The following DHX32 variants were observed in gnomAD, a reference collection of about 807,000 sequenced individuals.
DHX32 encodes the protein putative pre-mRNA-splicing factor ATP-dependent RNA helicase DHX32.
In DHX32, 51 loss-of-function variants were observed where a neutral mutation model predicts 70.0. The ratio of observed to expected loss-of-function variants is 0.73; its 90% CI spans 0.58 to 0.92. The LOEUF is 0.92. DHX32 is among the 40% of genes least tolerant of loss of function. DHX32 has a pLI of 0.00. For synonymous variants in DHX32, 310 were observed against 315.3 expected (o/e 0.98, Z 0.18); for missense variants, 762 against 891.8 (o/e 0.85, Z 1.85).
chr10:125,842,377 C>T (rs1854905695), intron 6 of DHX32: 1 of 154,738 alleles, frequency 6.5e-6, no homozygotes, highest in African/African-American at 2.4e-5. Context: ...GGAACCACCT[C>T]AGGCCAGAGA....
At chr10:125,872,214 T>A (rs1944260235) in intron 1 of DHX32, among the ~76,000 whole-genome samples, 1 of 152,206 alleles carries the variant, frequency 6.6e-6, no homozygotes, top group Non-Finnish European at 1.5e-5. Flanking sequence ...GTTGCATCTT[T>A]GTCTTCTCAC....
intron 3 of DHX32, among the ~76,000 whole-genome samples, chr10:125,856,590 C>T (rs1040146638): frequency 6.6e-6 from 1 of 152,192 alleles, no homozygotes; most frequent in African/African-American, 2.4e-5. Context: ...AAGGCAAATG[C>T]ACTGCCGTTT....
chr10:125,841,223 A>C lies in DHX32; in HGVS notation c.1544-227T>G, dbSNP rs779377822. 1.6e-5 allele frequency: 25 copies of C among 1,598,738 alleles called. 1 individual carries two copies. The highest frequency in any genetic ancestry group is 2.7e-5 in the African/African-American group (2 of 74,696). On this transcript the variant is annotated intron_variant, in intron 7 of 10. Coordinates refer to ENST00000284690, the MANE Select transcript of DHX32 (RefSeq NM_018180.3). ...TGTTTGCTTTTCTAAGGTCAACTGAATATGGTTAATATCCTGCTTCTATTC... is the reference window on the plus strand; with the variant it reads ...TGTTTGCTTTTCTAAGGTCAACTGACTATGGTTAATATCCTGCTTCTATTC...
chr10:125,842,885 C>CAGT (rs1160276911), intron 6 of DHX32: 2 of 623,172 alleles, frequency 3.2e-6, no homozygotes, highest in Non-Finnish European at 4.0e-6. Flanking sequence ...CAGTCTTTAC[C>CAGT]AAAGTTTTTA....
intron 2 of DHX32, among the ~76,000 whole-genome samples, chr10:125,860,424 C>T (rs1944179296): frequency 6.6e-6 from 1 of 152,200 alleles, no homozygotes; most frequent in African/African-American, 2.4e-5. Flanking sequence ...CATCCTGGCT[C>T]AGGCTCATGG....
At chr10:125,846,518 G>A (rs2134035364) in intron 6 of DHX32, among the ~76,000 whole-genome samples, 1 of 152,306 alleles carries the variant, frequency 6.6e-6, no homozygotes, top group East Asian at 1.9e-4. Flanking sequence ...GCACTGGCAA[G>A]GCTCTGGGGC....
chr10:125,895,702 T>G (rs1372920627), intron 1 of DHX32, among the ~76,000 whole-genome samples: 1 of 152,202 alleles, frequency 6.6e-6, no homozygotes, highest in Non-Finnish European at 1.5e-5. Flanking sequence ...ATTCCGTAAC[T>G]CAACCGGAAA....
intron 2 of DHX32, among the ~76,000 whole-genome samples, chr10:125,861,392 G>A (rs1564828565): frequency 6.6e-6 from 1 of 152,132 alleles, no homozygotes; most frequent in Non-Finnish European, 1.5e-5. Flanking sequence ...AGCTACCCGG[G>A]AGGCTGAGGC....
intron 6 of DHX32, among the ~76,000 whole-genome samples, chr10:125,844,066 T>C (rs1854948973): frequency 1.3e-5 from 2 of 152,244 alleles, no homozygotes; most frequent in African/African-American, 4.8e-5. Flanking sequence ...ACTTGTTCAT[T>C]CTTGGGGACC....
At chr10:125,840,153 G>T (rs1156469324) in intron 8 of DHX32, among the ~76,000 whole-genome samples, 1 of 152,194 alleles carries the variant, frequency 6.6e-6, no homozygotes, top group Admixed American at 6.5e-5. Flanking sequence ...CCCTTTATGG[G>T]TGGCTCTAGC....
intron 6 of DHX32, among the ~76,000 whole-genome samples, chr10:125,850,557 G>A (rs1033268452): frequency 2.0e-5 from 3 of 151,750 alleles, no homozygotes; most frequent in Non-Finnish European, 4.4e-5. Context: ...ATTTCACCAC[G>A]TTGGTCAGGC....
At chr10:125,851,937 A>G (rs556476668) in intron 6 of DHX32, among the ~76,000 whole-genome samples, 261 of 151,344 alleles carry the variant, frequency 1.7e-3, no homozygotes, top group African/African-American at 5.2e-3. Context: ...AAAAAAAAAA[A>G]AAAAGAAAAG....
At chr10:125,895,425 C>T (rs1180074604) in intron 1 of DHX32, among the ~76,000 whole-genome samples, 1 of 152,264 alleles carries the variant, frequency 6.6e-6, no homozygotes, top group Non-Finnish European at 1.5e-5. Context: ...CCCCCCACAC[C>T]CTTAATGCCC....
intron 2 of DHX32, among the ~76,000 whole-genome samples, chr10:125,865,824 C>A (rs1944217198): frequency 6.6e-6 from 1 of 152,060 alleles, no homozygotes; most frequent in Non-Finnish European, 1.5e-5. Flanking sequence ...CCACTGTGCC[C>A]AGCCCCATGG....
At chr10:125,853,391 T>A in intron 4 of DHX32, 1 of 443,776 alleles carries the variant, frequency 2.3e-6, no homozygotes, top group East Asian at 3.4e-5. Flanking sequence ...TTTCAGAGTT[T>A]GAGATACCTT....
intron 6 of DHX32, among the ~76,000 whole-genome samples, chr10:125,843,727 C>G (rs1312059009): frequency 6.6e-6 from 1 of 152,214 alleles, no homozygotes; most frequent in Non-Finnish European, 1.5e-5. Context: ...CTCAGGGAAG[C>G]TGCGATGCAG....
intron 10 of DHX32, among the ~76,000 whole-genome samples, chr10:125,837,348 T>C (rs561939290): frequency 6.6e-6 from 1 of 152,366 alleles, no homozygotes; most frequent in South Asian, 2.1e-4. Flanking sequence ...CCAGACTCTG[T>C]ACTGGCCTCT....
intron 7 of DHX32, chr10:125,841,324 C>T (rs759780415): frequency 3.7e-6 from 6 of 1,614,068 alleles, no homozygotes; most frequent in Middle Eastern, 3.3e-4. Flanking sequence ...TCCGATACAG[C>T]ACAATGGTTG....
upstream of DHX32, chr10:125,881,343 A>C (rs1363074249): frequency 6.5e-6 from 1 of 152,750 alleles, no homozygotes; most frequent in Non-Finnish European, 1.5e-5. Context: ...CTGCGTCTTG[A>C]TCAACTGTGA....
Sources: allele counts gnomAD v4.1 joint callset (sites outside exome capture counted in the v4.1 genomes callset), GRCh38; gene constraint gnomAD v4.1.1; transcripts MANE v1.5; gene names NCBI Gene and HGNC (gene_info 2026-07-23, HGNC 2026-07-21).